EMILIN2: variants seen among roughly 807,000 people sequenced by gnomAD.
EMILIN2 encodes EMILIN-2.
Under a neutral mutation model 87.1 loss-of-function variants are expected in EMILIN2, and 71 were observed. The observed-to-expected ratio is 0.82, with a 90% CI of 0.67 to 0.99. The LOEUF (loss-of-function observed/expected upper bound fraction) is 0.99. Ranked by LOEUF, EMILIN2 falls within the 50% of genes least tolerant of loss-of-function variation. The probability of loss-of-function intolerance (pLI) is 0.00; values close to 1 mark genes in which losing one functional copy is unlikely to be tolerated. For synonymous variants in EMILIN2, 581 were observed against 563.4 expected, an observed-to-expected ratio of 1.03 and a Z score of -0.44; for missense variants, 1,407 against 1,371.8, an observed-to-expected ratio of 1.03 and a Z score of -0.40.
Position 2,847,721 on chromosome 18 carries a change from C to T in EMILIN2, c.135-88C>T, listed in dbSNP as rs1598481871. The T allele has an allele frequency of 2.6e-6, 4 of 1,511,904 alleles. No homozygotes were observed. Among genetic ancestry groups the T allele is most frequent in the Non-Finnish European group, 3.5e-6 (4 of 1,135,658 alleles). 93.7% of individuals were successfully genotyped at this position (1,511,904 alleles called of 1,614,324 possible). Reference sequence around the variant, plus strand: ...GCGACGGGCCCCCCCGACCCTCGCTCGGTCTGGTGCCGCAGTCCCCTCTCC... The same window carrying T: ...GCGACGGGCCCCCCCGACCCTCGCTTGGTCTGGTGCCGCAGTCCCCTCTCC... On this transcript the variant is annotated intron_variant, in intron 1 of 7. Transcript: ENST00000254528. This position sits in a 1 kb window ranked among gnomAD's most constrained non-coding sequence, Gnocchi z 4.5.
At chr18:2,896,109 T>C (rs2076862157) in intron 4 of EMILIN2, among the ~76,000 whole-genome samples, 1 of 152,146 alleles carries the variant, frequency 6.6e-6, no homozygotes, top group African/African-American at 2.4e-5. Context: ...CTCTTTTATA[T>C]CCTTCTGTTA....
chr18:2,858,522 CATATATATATATATATATATATAT>C lies in EMILIN2; in HGVS notation c.257+10616_257+10639del, dbSNP rs202158489. ...TTTTTATAGCTGAGTAGTATTCCAT[CATATATATATATATATATATATAT>C]ATATATATATATATATATATATATG... is the stretch of plus-strand genomic sequence containing the variant. On this transcript the variant is annotated intron_variant, in intron 2 of 7. Transcript: ENST00000254528. 9.5e-3 allele frequency among the ~76,000 whole-genome samples: 435 copies of C among 45,746 alleles called. 27 individuals are homozygous for C. Among genetic ancestry groups the C allele is most frequent in the East Asian group, 0.043 (135 of 3,152 alleles). The allele number at this position is 45,746 out of a possible 152,430, so 30.0% of individuals were successfully genotyped here.
intron 2 of EMILIN2, among the ~76,000 whole-genome samples, chr18:2,865,246 T>C (rs2076680746): frequency 6.6e-6 from 1 of 152,362 alleles, no homozygotes; most frequent in African/African-American, 2.4e-5. Flanking sequence ...CCAGCTTTGT[T>C]CCGCTGCTGG....
At chr18:2,909,446 C>T (rs553004300) in intron 6 of EMILIN2, among the ~76,000 whole-genome samples, 1 of 152,244 alleles carries the variant, frequency 6.6e-6, no homozygotes, top group Non-Finnish European at 1.5e-5. Flanking sequence ...CTTACATGCC[C>T]AGCCTCACAC....
chr18:2,907,108 G>T, intron 5 of EMILIN2, 23 bp downstream of exon 5: 1 of 1,232,648 alleles, frequency 8.1e-7, no homozygotes, highest in South Asian at 3.9e-5. Context: ...GCTGCGCGGG[G>T]AGGAGCGCGG....
At chr18:2,885,568 G>C (rs2076799439) in intron 3 of EMILIN2, among the ~76,000 whole-genome samples, 1 of 152,132 alleles carries the variant, frequency 6.6e-6, no homozygotes, top group South Asian at 2.1e-4. Context: ...GCCCAGGCTG[G>C]AGTGCAGTGG....
intron 2 of EMILIN2, among the ~76,000 whole-genome samples, chr18:2,855,671 C>T (rs766709766): frequency 6.6e-6 from 1 of 152,116 alleles, no homozygotes; most frequent in Non-Finnish European, 1.5e-5. Context: ...TGACGTGCTT[C>T]GGAAGAGGAG....
Position 2,858,579 on chromosome 18 carries a change from G to GTA in EMILIN2, c.257+10649_257+10650insAT, listed in dbSNP as rs1173565497. Among the ~76,000 whole-genome samples the GTA allele has an allele frequency of 6.6e-4, 41 of 62,398 alleles. 4 individuals carry two copies. Among genetic ancestry groups the GTA allele is most frequent in the Middle Eastern group, 7.7e-3 (1 of 130 alleles). 40.9% of individuals were successfully genotyped at this position (62,398 alleles called of 152,430 possible). On this transcript the variant is annotated intron_variant, in intron 2 of 7. Coordinates refer to ENST00000254528, the MANE Select transcript of EMILIN2 (RefSeq NM_032048.3). Reference sequence around the variant, plus strand: ...TATATATATATATATATGTGTGTGTGTGTGTATATATATATATATATATGT... The same window carrying GTA: ...TATATATATATATATATGTGTGTGTGTATGTGTATATATATATATATATATGT...
In EMILIN2 at chr18:2,847,960, G is replaced by A. The variant is rs557441744; in HGVS notation, c.257+29G>A. The A allele has an allele frequency of 6.3e-7, 1 of 1,585,856 alleles. No homozygotes were observed. Among genetic ancestry groups the A allele is most frequent in the East Asian group, 2.3e-5 (1 of 44,070 alleles). ...AGTCCTGGAGCCGGGGAGCGGGCGG[G>A]GCGCGCCCGGGCCGGGGCGGTGGGG... On this transcript the variant is annotated intron_variant, in intron 2 of 7. Coordinates refer to ENST00000254528, the MANE Select transcript of EMILIN2 (RefSeq NM_032048.3). The surrounding 1 kb of genome is among the most constrained non-coding windows in gnomAD (Gnocchi z 4.5).
intron 2 of EMILIN2, among the ~76,000 whole-genome samples, chr18:2,868,787 AAAG>A (rs1218767023): frequency 6.6e-6 from 1 of 151,338 alleles, no homozygotes; most frequent in Admixed American, 6.8e-5. Context: ...GAGACCGTGG[AAAG>A]AGGAGAGGGA....
intron 2 of EMILIN2, among the ~76,000 whole-genome samples, chr18:2,862,284 G>A (rs982236112): frequency 6.6e-6 from 1 of 152,146 alleles, no homozygotes; most frequent in Non-Finnish European, 1.5e-5. Context: ...AATAGGAGTG[G>A]TGAGAGAGGG....
At chr18:2,901,620 A>G (rs929180676) in intron 4 of EMILIN2, among the ~76,000 whole-genome samples, 10 of 152,194 alleles carry the variant, frequency 6.6e-5, no homozygotes, top group African/African-American at 2.2e-4. Context: ...GTCTGTCCCT[A>G]TCATTCCTCA....
chr18:2,889,770 G>A (rs1043788311), intron 3 of EMILIN2, among the ~76,000 whole-genome samples: 5 of 136,786 alleles, frequency 3.7e-5, no homozygotes, highest in South Asian at 2.4e-4. Context: ...CTGGGCTCAC[G>A]CCATCTTCCT....
chr18:2,876,664 G>A (rs1045928784), intron 2 of EMILIN2, among the ~76,000 whole-genome samples: 3 of 150,084 alleles, frequency 2.0e-5, no homozygotes, highest in Non-Finnish European at 3.0e-5. Context: ...TACTCGGGAG[G>A]CTGAGGCAGG....
In EMILIN2 at chr18:2,852,653, A is replaced by G. The variant is rs149089215; in HGVS notation, c.257+4722A>G. On this transcript the variant is annotated intron_variant, in intron 2 of 7. Transcript: ENST00000254528. ...CCTGCCTCAGCCTGCTGAGTAGCTG[A>G]GATTACAGGCCTGTACCACCACGCC... Among the ~76,000 whole-genome samples the G allele has an allele frequency of 8.4e-3, 1,284 of 152,182 alleles. 24 individuals carry two copies. Among genetic ancestry groups the G allele is most frequent in the African/African-American group, 0.029 (1,207 of 41,506 alleles).
intron 2 of EMILIN2, among the ~76,000 whole-genome samples, chr18:2,858,565 A>G (rs1419347982): frequency 0.031 from 2,091 of 67,616 alleles, 379 homozygotes; most frequent in African/African-American, 0.2. Context: ...ATATATATAT[A>G]TATATGTGTG....
At chr18:2,854,345 A>G (rs1055660855) in intron 2 of EMILIN2, among the ~76,000 whole-genome samples, 3 of 152,196 alleles carry the variant, frequency 2.0e-5, no homozygotes, top group African/African-American at 7.2e-5. Context: ...AAGGCCTGCC[A>G]GGAATTTGCA....
chr18:2,869,267 G>A (rs1004276361), intron 2 of EMILIN2, among the ~76,000 whole-genome samples: 11 of 126,826 alleles, frequency 8.7e-5, no homozygotes, highest in Non-Finnish European at 1.5e-4. Context: ...CCTTAATGCA[G>A]AAATTACATA....
At chr18:2,897,883 T>C (rs1285815310) in intron 4 of EMILIN2, among the ~76,000 whole-genome samples, 1 of 149,758 alleles carries the variant, frequency 6.7e-6, no homozygotes, top group Admixed American at 6.7e-5. Flanking sequence ...AAAAAAAGCC[T>C]AGAGATCTCC....
Sources: allele counts gnomAD v4.1 joint callset (sites outside exome capture counted in the v4.1 genomes callset), GRCh38; gene constraint gnomAD v4.1.1; non-coding constraint Gnocchi (gnomAD v3.1); transcripts MANE v1.5; gene names NCBI Gene and HGNC (gene_info 2026-07-23, HGNC 2026-07-21).